PLCB4: variants seen among roughly 807,000 people sequenced by gnomAD.
The protein encoded by PLCB4 is 1-phosphatidylinositol 4,5-bisphosphate phosphodiesterase beta-4.
A neutral mutation model predicts 178.8 loss-of-function variants in PLCB4; 77 were observed. The observed-to-expected ratio is 0.43, with a 90% confidence interval of 0.36 to 0.52. The LOEUF (loss-of-function observed/expected upper bound fraction) is 0.52, where lower values mean the gene tolerates loss of function less well. Among genes scored for constraint, PLCB4 ranks in the 20% least tolerant of loss-of-function variants. The pLI is 0.00. For synonymous variants in PLCB4, 496 were observed against 490.8 expected (o/e 1.01, Z -0.14); for missense variants, 1,024 against 1,453.4 (o/e 0.70, Z 4.80).
intron 25 of PLCB4, among the ~76,000 whole-genome samples, chr20:9,412,574 T>G (rs556075194): frequency 1.3e-5 from 2 of 152,332 alleles, no homozygotes; most frequent in African/African-American, 4.8e-5. Context: ...TCCTTTCTGA[T>G]GAGACCCACC....
At chr20:9,347,634 G>T (rs774519850) in intron 7 of PLCB4, among the ~76,000 whole-genome samples, 7 of 152,284 alleles carry the variant, frequency 4.6e-5, no homozygotes, top group Non-Finnish European at 8.8e-5. Context: ...ATTTGTTAAA[G>T]AAAGGAATTG....
chr20:9,156,109 C>G (rs2092783473), intron 2 of PLCB4, among the ~76,000 whole-genome samples: 1 of 152,022 alleles, frequency 6.6e-6, no homozygotes, highest in South Asian at 2.1e-4. Context: ...CTAAGAAGAC[C>G]TTTTTTCTGT....
chr20:9,160,107 C>G (rs2092861195), intron 2 of PLCB4, among the ~76,000 whole-genome samples: 1 of 152,172 alleles, frequency 6.6e-6, no homozygotes, highest in African/African-American at 2.4e-5. Context: ...GAGCTGGATC[C>G]AACTCCGTTT....
chr20:9,423,364 T>G (rs1009282117), intron 27 of PLCB4, among the ~76,000 whole-genome samples: 1 of 152,214 alleles, frequency 6.6e-6, no homozygotes, highest in African/African-American at 2.4e-5. Flanking sequence ...TGCCAGATAT[T>G]AGATCACAGG....
intron 3 of PLCB4, among the ~76,000 whole-genome samples, chr20:9,258,594 A>G (rs1435820550): frequency 6.6e-6 from 1 of 151,372 alleles, no homozygotes. Flanking sequence ...GTGTGCCTGT[A>G]GTCTCAGCTA....
chr20:9,182,310 C>A (rs966626693), intron 2 of PLCB4, among the ~76,000 whole-genome samples: 10 of 152,118 alleles, frequency 6.6e-5, no homozygotes, highest in Non-Finnish European at 5.9e-5. Flanking sequence ...CTATCAATCA[C>A]CTGCTTCTGG....
chr20:9,075,513 G>A (rs1292124594), intron 1 of PLCB4, among the ~76,000 whole-genome samples: 1 of 152,236 alleles, frequency 6.6e-6, no homozygotes, highest in East Asian at 1.9e-4. Flanking sequence ...TTTCTGGAAG[G>A]CCGGTTTTTA....
chr20:9,124,552 A>G (rs2092060823), intron 2 of PLCB4, among the ~76,000 whole-genome samples: 1 of 152,184 alleles, frequency 6.6e-6, no homozygotes, highest in Non-Finnish European at 1.5e-5. Flanking sequence ...AGATTGGTGA[A>G]TAAAGGCAAA....
In PLCB4 at chr20:9,476,749, G is replaced by A. The variant is rs572850254; in HGVS notation, c.3528G>A (p.Thr1176=). Residue 1176 remains threonine, a synonymous_variant, in exon 39 of 40, where the codon ACG becomes ACA. Transcript: ENST00000378473. ...AATCCTGTCATGCAGTGTCCCAAAC[G>A]CAAGGTAGGACCGAAACTCTGATAA... ...LLKSCHAVSQ[T]QGEGDAADGE... 22 of 1,606,994 alleles carry A rather than the reference G, an allele frequency of 1.4e-5. No individual in the cohort carries two copies. The highest frequency in any genetic ancestry group is 1.7e-5 in the Admixed American group (1 of 59,932).
At chr20:9,269,036 G>A (rs970802087) in intron 3 of PLCB4, among the ~76,000 whole-genome samples, 2 of 152,174 alleles carry the variant, frequency 1.3e-5, no homozygotes, top group African/African-American at 4.8e-5. Context: ...TAAAGGTGCA[G>A]CAATGCAGGT....
chr20:9,385,578 AGACG>A (rs1433853703), intron 14 of PLCB4, among the ~76,000 whole-genome samples: 40 of 138,986 alleles, frequency 2.9e-4, no homozygotes, highest in African/African-American at 1.0e-3. Context: ...CTCACTTCTC[AGACG>A]GGGCGGCTGG....
intron 9 of PLCB4, among the ~76,000 whole-genome samples, chr20:9,366,566 G>T (rs955130577): frequency 1.3e-5 from 2 of 152,114 alleles, no homozygotes; most frequent in African/African-American, 4.8e-5. Flanking sequence ...AGGGGTTAGG[G>T]TTTACACATG....
intron 7 of PLCB4, among the ~76,000 whole-genome samples, chr20:9,350,731 G>A (rs1413110119): frequency 2.0e-5 from 3 of 152,048 alleles, no homozygotes; most frequent in African/African-American, 7.2e-5. Context: ...GCTAATTATT[G>A]TATTTTTAGT....
At chr20:9,350,963 T>A (rs187507777) in intron 7 of PLCB4, among the ~76,000 whole-genome samples, 1 of 152,306 alleles carries the variant, frequency 6.6e-6, no homozygotes, top group Non-Finnish European at 1.5e-5. Flanking sequence ...TTTAGGCAAA[T>A]GTTTTAAGAT....
chr20:9,365,593 A>G (rs1271368595), intron 9 of PLCB4, 79 bp downstream of exon 9: 1 of 778,054 alleles, frequency 1.3e-6, no homozygotes, highest in Non-Finnish European at 2.2e-6. Flanking sequence ...ACCCTTCACA[A>G]GTATTTGTGT....
intron 24 of PLCB4, among the ~76,000 whole-genome samples, chr20:9,410,466 A>T (rs2039778734): frequency 6.6e-6 from 1 of 152,206 alleles, no homozygotes; most frequent in Non-Finnish European, 1.5e-5. Flanking sequence ...AATATCCATC[A>T]GTTTACCCAT....
At chr20:9,399,636 T>C (rs1360204846) in intron 19 of PLCB4, among the ~76,000 whole-genome samples, 3 of 152,190 alleles carry the variant, frequency 2.0e-5, no homozygotes, top group African/African-American at 7.2e-5. Context: ...ATCAAAATTG[T>C]ATGTGGTTAT....
At chr20:9,141,209 T>C (rs913862460) in intron 2 of PLCB4, among the ~76,000 whole-genome samples, 1 of 152,132 alleles carries the variant, frequency 6.6e-6, no homozygotes, top group Non-Finnish European at 1.5e-5. Flanking sequence ...TTTGTGACCA[T>C]TGGGCCAGAA....
chr20:9,105,517 A>G (rs896459112), intron 2 of PLCB4, among the ~76,000 whole-genome samples: 3 of 152,150 alleles, frequency 2.0e-5, no homozygotes, highest in Non-Finnish European at 4.4e-5. Context: ...TAATACTCTC[A>G]GAATTACAAG....
Sources: gnomAD v4.1 joint callset for allele counts (sites outside exome capture counted in the v4.1 genomes callset) on GRCh38, gnomAD v4.1.1 for gene constraint, MANE v1.5 for transcripts, NCBI Gene and HGNC (gene_info 2026-07-23, HGNC 2026-07-21) for gene names.